The following CACNA1C variants were observed in gnomAD, a reference collection of about 807,000 sequenced individuals.
The protein encoded by CACNA1C is voltage-dependent L-type calcium channel subunit alpha-1C.
Under a neutral mutation model 229.0 loss-of-function variants are expected in CACNA1C, and 30 were observed. The observed-to-expected ratio is 0.13, with a 90% CI of 0.10 to 0.18. The LOEUF (loss-of-function observed/expected upper bound fraction) is 0.18. CACNA1C is among the 10% of genes least tolerant of loss of function. The pLI is 1.00. For missense variants in CACNA1C, 1,658 were observed against 2,845.0 expected (o/e 0.58, Z 9.49); for synonymous variants, 1,114 against 1,132.5 (o/e 0.98, Z 0.33).
In CACNA1C at chr12:2,067,234, G is replaced by A. The variant is rs1017881614; in HGVS notation, c.49+13623G>A. ...GCAGGAGCCAGGATGCATCGTTTTAGTGGGAGTCAGGGAGTCTGAATCCCC... is the reference window on the plus strand; with the variant it reads ...GCAGGAGCCAGGATGCATCGTTTTAATGGGAGTCAGGGAGTCTGAATCCCC... On this transcript the variant is annotated intron_variant, in intron 1 of 46. Transcript: ENST00000399655. This position sits in a 1 kb window ranked among gnomAD's most constrained non-coding sequence, Gnocchi z 5.3. Among the ~76,000 whole-genome samples the A allele has an allele frequency of 5.3e-5, 8 of 152,102 alleles. No homozygotes were observed. Among genetic ancestry groups the A allele is most frequent in the Non-Finnish European group, 1.0e-4 (7 of 68,004 alleles).
At chr12:2,195,508 G>T (rs761838852) in intron 3 of CACNA1C, among the ~76,000 whole-genome samples, 48 of 152,156 alleles carry the variant, frequency 3.2e-4, no homozygotes, top group Non-Finnish European at 5.9e-4. Flanking sequence ...CCTTATTTCA[G>T]TGACAAGTTC....
At chr12:2,248,674 G>A (rs1043809307) in intron 3 of CACNA1C, among the ~76,000 whole-genome samples, 3 of 152,226 alleles carry the variant, frequency 2.0e-5, no homozygotes, top group African/African-American at 7.2e-5. Context: ...ATAAACTCTC[G>A]AAGAGAACAG....
intron 10 of CACNA1C, among the ~76,000 whole-genome samples, chr12:2,554,611 T>C (rs1480783944): frequency 6.6e-6 from 1 of 152,146 alleles, no homozygotes; most frequent in African/African-American, 2.4e-5. Flanking sequence ...GGGCTCCTGA[T>C]GGCACCGAGG....
intron 3 of CACNA1C, among the ~76,000 whole-genome samples, chr12:2,153,479 C>T (rs2095397659): frequency 6.6e-6 from 1 of 152,212 alleles, no homozygotes; most frequent in Admixed American, 6.5e-5. Flanking sequence ...TCCCATTCCC[C>T]CTTCCCCCAG....
intron 3 of CACNA1C, among the ~76,000 whole-genome samples, chr12:2,232,227 G>GTTTTTTTTCTTT (rs2065459340): frequency 1.4e-5 from 1 of 73,572 alleles, no homozygotes; most frequent in African/African-American, 5.0e-5. Context: ...GTCTTTCCTT[G>GTTTTTTTTCTTT]TTTTTTTTTT....
rs146840592 is a variant in CACNA1C, at chr12:2,618,299, T to C, written c.3828+6286T>C. Among the ~76,000 whole-genome samples the C allele has an allele frequency of 8.0e-3, 1,216 of 152,302 alleles. 10 individuals are homozygous for C. The highest frequency in any genetic ancestry group is 0.065 in the Middle Eastern group (19 of 294). ...CTTTACGAACTGTGGGCCAGGCCTC[T>C]TTCCCACCCAGGCCAGGGTGTCAGT... On this transcript the variant is annotated intron_variant, in intron 29 of 46. Coordinates refer to ENST00000399655, the MANE Select transcript of CACNA1C (RefSeq NM_000719.7).
chr12:2,441,652 G>A (rs2239079), intron 3 of CACNA1C, among the ~76,000 whole-genome samples: 46,229 of 152,158 alleles, frequency 0.3, 8,198 homozygotes, highest in East Asian at 0.73. Context: ...CGCTTTGGAA[G>A]TGGTATTCAA....
chr12:2,442,518 C>G (rs1390267770), intron 3 of CACNA1C, among the ~76,000 whole-genome samples: 1 of 152,230 alleles, frequency 6.6e-6, no homozygotes, highest in Non-Finnish European at 1.5e-5. Flanking sequence ...CAGCCTGCCT[C>G]AAGGCTGGCA....
intron 1 of CACNA1C, among the ~76,000 whole-genome samples, chr12:2,036,481 C>CT (rs967389311): frequency 2.6e-5 from 4 of 151,686 alleles, no homozygotes; most frequent in Middle Eastern, 3.4e-3. Context: ...CCTTTCCTAT[C>CT]TTTTTTTTTG....
At chr12:2,635,855 CATGTGTGT>C (rs979915632) in intron 30 of CACNA1C, among the ~76,000 whole-genome samples, 16 of 152,116 alleles carry the variant, frequency 1.1e-4, no homozygotes, top group Non-Finnish European at 1.8e-4. Context: ...AGCATGTGTG[CATGTGTGT>C]ATGTGTGTGA....
At chr12:2,509,055 G>A (rs1175919820) in intron 8 of CACNA1C, among the ~76,000 whole-genome samples, 1 of 152,232 alleles carries the variant, frequency 6.6e-6, no homozygotes, top group East Asian at 1.9e-4. Context: ...GGCTTGGGAA[G>A]TGCGCCTCCA....
chr12:2,311,284 T>C (rs1006443667), intron 3 of CACNA1C, among the ~76,000 whole-genome samples: 3 of 152,240 alleles, frequency 2.0e-5, no homozygotes, highest in African/African-American at 7.2e-5. Flanking sequence ...ACTGTGGTTC[T>C]GGGCTGCATA....
chr12:2,537,610 A>G (rs898777571), intron 9 of CACNA1C, among the ~76,000 whole-genome samples: 1 of 152,216 alleles, frequency 6.6e-6, no homozygotes, highest in African/African-American at 2.4e-5. Context: ...CTTTCCAATC[A>G]TACCACGTGG....
chr12:2,101,579 C>T (rs149240280), intron 1 of CACNA1C, among the ~76,000 whole-genome samples: 1 of 152,204 alleles, frequency 6.6e-6, no homozygotes, highest in Non-Finnish European at 1.5e-5. Context: ...TAGGGGCAGC[C>T]TCTGCTGCAG....
chr12:2,211,964 A>G (rs985904506), intron 3 of CACNA1C, among the ~76,000 whole-genome samples: 1 of 150,496 alleles, frequency 6.6e-6, no homozygotes, highest in East Asian at 2.0e-4. Flanking sequence ...CAGGTGATCC[A>G]CCCGCCTCAG....
chr12:2,085,765 GT>G (rs1180027999), intron 1 of CACNA1C, among the ~76,000 whole-genome samples: 1 of 152,170 alleles, frequency 6.6e-6, no homozygotes, highest in Non-Finnish European at 1.5e-5. Context: ...GATTATGTCA[GT>G]GTACTGCACT....
intron 4 of CACNA1C, among the ~76,000 whole-genome samples, chr12:2,449,454 A>G (rs995420910): frequency 6.6e-6 from 1 of 152,218 alleles, no homozygotes; most frequent in African/African-American, 2.4e-5. Flanking sequence ...CCCAGTGCGC[A>G]GGCTGGCTGG....
intron 3 of CACNA1C, among the ~76,000 whole-genome samples, chr12:2,224,747 A>G (rs894359384): frequency 1.3e-5 from 2 of 152,182 alleles, no homozygotes; most frequent in Non-Finnish European, 2.9e-5. Context: ...TAATTACATC[A>G]TGAAGCACCG....
chr12:2,624,724 C>CT (rs1414864094), intron 29 of CACNA1C, among the ~76,000 whole-genome samples: 2 of 152,252 alleles, frequency 1.3e-5, no homozygotes, highest in Non-Finnish European at 2.9e-5. Flanking sequence ...CACCCCCTCT[C>CT]TAAGAACCCA....
Sources: allele counts gnomAD v4.1 joint callset (sites outside exome capture counted in the v4.1 genomes callset), GRCh38; gene constraint gnomAD v4.1.1; non-coding constraint Gnocchi (gnomAD v3.1); transcripts MANE v1.5; gene names NCBI Gene and HGNC (gene_info 2026-07-23, HGNC 2026-07-21).